Variants in UNC13C observed in about 807,000 individuals in gnomAD.
UNC13C encodes protein unc-13 homolog C.
UNC13C carries 174 observed loss-of-function variants against 245.4 expected under a neutral mutation model. The observed-to-expected ratio is 0.71, with a 90% confidence interval of 0.63 to 0.80. The LOEUF (loss-of-function observed/expected upper bound fraction) is 0.80, where lower values mean the gene tolerates loss of function less well. Among genes scored for constraint, UNC13C ranks in the 30% least tolerant of loss-of-function variants. The pLI is 0.00. For missense variants in UNC13C, 2,829 were observed against 2,602.9 expected (o/e 1.09, Z -1.89); for synonymous variants, 992 against 895.1 (o/e 1.11, Z -1.93).
intron 13 of UNC13C, among the ~76,000 whole-genome samples, chr15:54,306,448 C>A (rs559710617): frequency 3.6e-4 from 55 of 151,974 alleles, no homozygotes; most frequent in Non-Finnish European, 6.9e-4. Context: ...TATTTTGCAT[C>A]ATGGGGTGAG....
chr15:54,624,020 G>A lies in UNC13C; in HGVS notation c.6359+66G>A, dbSNP rs1900977710. 4 of 1,585,728 alleles carry A rather than the reference G, an allele frequency of 2.5e-6. No individual in the cohort carries two copies. The East Asian group carries it at 6.7e-5, about 27-fold the overall frequency. Reference sequence around the variant, plus strand: ...GTTACTGTACAGCTGACCTTACTGAGGGATTTGGAGTGTGAAGGGCTAAGG... The same window carrying A: ...GTTACTGTACAGCTGACCTTACTGAAGGATTTGGAGTGTGAAGGGCTAAGG... On this transcript the variant is annotated intron_variant, in intron 32 of 32. Transcript: ENST00000260323.
At chr15:54,536,065 T>G (rs1202371093) in intron 26 of UNC13C, among the ~76,000 whole-genome samples, 2 of 151,752 alleles carry the variant, frequency 1.3e-5, no homozygotes, top group Non-Finnish European at 2.9e-5. Context: ...AAAGCATAAA[T>G]AAGATTGGTA....
chr15:54,630,214 C>T (rs1901427868), downstream of UNC13C: 1 of 152,150 alleles, frequency 6.6e-6, no homozygotes, highest in African/African-American at 2.4e-5. Context: ...AGTATTTAAA[C>T]CCAGAGTGGA....
At chr15:54,558,023 A>G (rs1596568011) in intron 29 of UNC13C, among the ~76,000 whole-genome samples, 1 of 151,912 alleles carries the variant, frequency 6.6e-6, no homozygotes, top group African/African-American at 2.4e-5. Flanking sequence ...AACACCACAT[A>G]TTCTCACTCA....
At chr15:54,595,614 T>C (rs1899037351) in intron 30 of UNC13C, among the ~76,000 whole-genome samples, 1 of 152,214 alleles carries the variant, frequency 6.6e-6, no homozygotes, top group Non-Finnish European at 1.5e-5. Flanking sequence ...TTCTTAATTA[T>C]GGAATTTGTG....
chr15:53,984,367 T>C (rs575264581), intron 1 of UNC13C, among the ~76,000 whole-genome samples: 12 of 152,260 alleles, frequency 7.9e-5, no homozygotes, highest in Admixed American at 7.2e-4. Context: ...GATTTACTAA[T>C]GCATCATACA....
chr15:53,927,692 G>A, the UNC13C span, among the ~76,000 whole-genome samples: 1 of 152,298 alleles, frequency 6.6e-6, no homozygotes, highest in South Asian at 2.1e-4. Context: ...TTTAGATTTG[G>A]GAGTCATCAG....
At chr15:53,859,789 G>C in the UNC13C span, among the ~76,000 whole-genome samples, 4 of 152,084 alleles carry the variant, frequency 2.6e-5, no homozygotes, top group African/African-American at 9.7e-5. Flanking sequence ...TTGGCTCCAC[G>C]TCTCATTTCT....
intron 2 of UNC13C, among the ~76,000 whole-genome samples, chr15:54,061,661 GGTGA>G: frequency 6.6e-6 from 1 of 152,190 alleles, no homozygotes; most frequent in East Asian, 1.9e-4. Flanking sequence ...GAGAAAAGAG[GGTGA>G]GTTTCTCAAC....
chr15:54,388,730 A>G lies in UNC13C; in HGVS notation c.4714-4318A>G, dbSNP rs563055580. ...AAATTTTATTCTTATTGTTTTTTAG[A>G]CTTTTTCTCCAAGGTTTTGTCTGTG... On this transcript the variant is annotated intron_variant, in intron 17 of 32. Coordinates refer to ENST00000260323, the MANE Select transcript of UNC13C (RefSeq NM_001080534.3). 3.3e-5 allele frequency among the ~76,000 whole-genome samples: 5 copies of G among 151,932 alleles called. No individual in the cohort carries two copies. In the South Asian group the frequency reaches 8.3e-4, roughly 25 times the overall value.
chr15:54,067,381 A>G (rs183090425), intron 2 of UNC13C, among the ~76,000 whole-genome samples: 6 of 152,284 alleles, frequency 3.9e-5, no homozygotes, highest in African/African-American at 1.4e-4. Context: ...TTCATATTTA[A>G]TTAACATCTT....
rs536848844 is a variant in UNC13C at position 54,283,201 on chromosome 15, C to T, written c.3819-10694C>T. On this transcript the variant is annotated intron_variant, in intron 10 of 32. Coordinates refer to ENST00000260323, the MANE Select transcript of UNC13C (RefSeq NM_001080534.3). ...AGGAGGGGTTTCACCTGCTACACAA[C>T]CCTATCTGCCTAGGCATCTGGCTGC... 5.9e-5 allele frequency among the ~76,000 whole-genome samples: 9 copies of T among 152,234 alleles called. 1 individual carries two copies. In the South Asian group the frequency reaches 1.9e-3, roughly 32 times the overall value.
At chr15:54,089,151 G>A (rs916344087) in intron 2 of UNC13C, among the ~76,000 whole-genome samples, 1 of 152,048 alleles carries the variant, frequency 6.6e-6, no homozygotes. Flanking sequence ...TTTCCATGTG[G>A]TTCAGGAACC....
chr15:54,150,139 T>C (rs534757878), intron 4 of UNC13C, among the ~76,000 whole-genome samples: 2 of 152,364 alleles, frequency 1.3e-5, no homozygotes, highest in South Asian at 2.1e-4. Context: ...TTTTAGTGTT[T>C]CTATTTTTTT....
chr15:54,604,041 G>C (rs1225290734), intron 30 of UNC13C, among the ~76,000 whole-genome samples: 1 of 152,054 alleles, frequency 6.6e-6, no homozygotes, highest in Admixed American at 6.6e-5. Context: ...CTGGTACACG[G>C]TTTTCCAGGC....
chr15:54,531,727 T>A (rs905119889), intron 25 of UNC13C, among the ~76,000 whole-genome samples: 5 of 151,920 alleles, frequency 3.3e-5, no homozygotes, highest in African/African-American at 1.2e-4. Context: ...AGGTGAGTGG[T>A]TTCTAGCATA....
chr15:54,288,574 G>A (rs1472212626), intron 10 of UNC13C, among the ~76,000 whole-genome samples: 4 of 151,840 alleles, frequency 2.6e-5, no homozygotes. Context: ...CCAAATGTGA[G>A]ACACATTGGC....
chr15:53,857,929 A>G, the UNC13C span, among the ~76,000 whole-genome samples: 1 of 152,192 alleles, frequency 6.6e-6, no homozygotes, highest in Non-Finnish European at 1.5e-5. Context: ...TTTTAAAACA[A>G]CTTAGTCACC....
At position 54,628,014 on chromosome 15, in the gene UNC13C, T is replaced by C. The variant is rs1746919090; in HGVS notation, c.*901T>C. On this transcript the variant is annotated 3_prime_UTR_variant, in exon 33 of 33. Transcript: ENST00000260323. ...TTTTAAAAATATTCAATGATTAGTATTGAATGCAGCATTACTATATATTGT... is the reference window on the plus strand; with the variant it reads ...TTTTAAAAATATTCAATGATTAGTACTGAATGCAGCATTACTATATATTGT... The C allele has an allele frequency of 1.3e-5, 2 of 152,310 alleles. No individual in the cohort carries two copies. The highest frequency in any genetic ancestry group is 2.1e-4 in the South Asian group (1 of 4,826). The allele number at this position is 152,310 out of a possible 1,614,324, so 9.4% of individuals were successfully genotyped here.
Sources: gnomAD v4.1 joint callset for allele counts (sites outside exome capture counted in the v4.1 genomes callset) on GRCh38, gnomAD v4.1.1 for gene constraint, MANE v1.5 for transcripts, NCBI Gene and HGNC (gene_info 2026-07-23, HGNC 2026-07-21) for gene names.